The following MTMR7 variants were observed in gnomAD, a reference collection of about 807,000 sequenced individuals.
The protein encoded by MTMR7 is myotubularin related protein 7, also known as phosphatidylinositol-3-phosphate phosphatase MTMR7.
In MTMR7, 76 loss-of-function variants were observed where a neutral mutation model predicts 81.2. That is an observed-to-expected ratio of 0.94 (90% CI 0.78 to 1.13). The LOEUF is 1.13. Ranked by LOEUF, MTMR7 falls within the 50% of genes most tolerant of loss-of-function variation. The probability of loss-of-function intolerance (pLI) is 0.00; values close to 1 mark genes in which losing one functional copy is unlikely to be tolerated. For synonymous variants in MTMR7, 372 were observed against 289.8 expected, an observed-to-expected ratio of 1.28 and a Z score of -2.88; for missense variants, 1,044 against 820.0, an observed-to-expected ratio of 1.27 and a Z score of -3.34.
chr8:17,347,363 G>A (rs1286225003), intron 5 of MTMR7, among the ~76,000 whole-genome samples: 1 of 152,136 alleles, frequency 6.6e-6, no homozygotes, highest in East Asian at 1.9e-4. Context: ...CCAATTCACA[G>A]AACTTTCACC....
Position 17,299,427 on chromosome 8 carries a change from A to T in MTMR7, c.*435T>A. On this transcript the variant is annotated 3_prime_UTR_variant, in exon 14 of 14. Transcript: ENST00000180173. ...AGAAATATGTATAAGAGGGTCGGAAAGGAGGATAATGTCAGATGCTTTAGA... is the reference window on the plus strand; with the variant it reads ...AGAAATATGTATAAGAGGGTCGGAATGGAGGATAATGTCAGATGCTTTAGA... The T allele has an allele frequency of 6.2e-6, 1 of 160,774 alleles. No homozygotes were observed. The highest frequency in any genetic ancestry group is 1.4e-5 in the Non-Finnish European group (1 of 72,678). The allele number at this position is 160,774 out of a possible 1,614,324, so 10.0% of individuals were successfully genotyped here.
At chr8:17,326,297 T>C (rs1818674047) in intron 7 of MTMR7, 1 of 152,162 alleles carries the variant, frequency 6.6e-6, no homozygotes, top group Non-Finnish European at 1.5e-5. Flanking sequence ...ATCCGTAAAA[T>C]GAAGATAAGA....
chr8:17,340,605 CA>C (rs1819379058), intron 6 of MTMR7, among the ~76,000 whole-genome samples: 1 of 152,106 alleles, frequency 6.6e-6, no homozygotes, highest in African/African-American at 2.4e-5. Flanking sequence ...TCCTTAAAAA[CA>C]AAAAAGTTAA....
chr8:17,321,299 G>C (rs1377202425), intron 7 of MTMR7, among the ~76,000 whole-genome samples: 1 of 152,224 alleles, frequency 6.6e-6, no homozygotes, highest in African/African-American at 2.4e-5. Flanking sequence ...CTGCCAGAGA[G>C]AATGTCCCCA....
At chr8:17,344,016 AT>A (rs1373267658) in intron 5 of MTMR7, among the ~76,000 whole-genome samples, 1 of 152,086 alleles carries the variant, frequency 6.6e-6, no homozygotes, top group Non-Finnish European at 1.5e-5. Context: ...AATATTCAAC[AT>A]TTTTGATGGC....
chr8:17,398,234 G>C (rs924722090), intron 1 of MTMR7, among the ~76,000 whole-genome samples: 2 of 152,156 alleles, frequency 1.3e-5, no homozygotes, highest in Non-Finnish European at 2.9e-5. Context: ...AGAAACAGAG[G>C]TATGTGACCC....
At position 17,309,288 on chromosome 8, in the gene MTMR7, C is replaced by T. The variant is rs751088997; in HGVS notation, c.1140G>A (p.Lys380=). ...TAAATATTACTTACCGGTGATTAAA[C>T]TTATGACCAAAGGAAATCCAGTCCT... ...IEKDWISFGH[K]FNHRYGNLDG... The change falls in exon 10 of 14, where the codon AAG becomes AAA. Residue 380 remains lysine, a synonymous_variant. Transcript: ENST00000180173. 6.4e-7 allele frequency: 1 copy of T among 1,551,276 alleles called. No homozygotes were observed. Among genetic ancestry groups the T allele is most frequent in the East Asian group, 2.2e-5 (1 of 44,614 alleles).
At position 17,397,641 on chromosome 8, in the gene MTMR7, G is replaced by A. The variant is rs145368790; in HGVS notation, c.24+15628C>T. Among the ~76,000 whole-genome samples the A allele has an allele frequency of 4.6e-3, 697 of 152,278 alleles. 2 individuals carry two copies. Among genetic ancestry groups the A allele is most frequent in the Non-Finnish European group, 8.0e-3 (546 of 68,018 alleles). On this transcript the variant is annotated intron_variant, in intron 1 of 13. Coordinates refer to ENST00000180173, the MANE Select transcript of MTMR7 (RefSeq NM_004686.5). ...TCTCTGGACCTGCCCAGGGCCTGGGGGAACTCGCCACCCTGAAGGGAAGGA... is the reference window on the plus strand; with the variant it reads ...TCTCTGGACCTGCCCAGGGCCTGGGAGAACTCGCCACCCTGAAGGGAAGGA...
intron 7 of MTMR7, among the ~76,000 whole-genome samples, chr8:17,319,962 A>G (rs1586177047): frequency 1.3e-5 from 2 of 152,224 alleles, no homozygotes; most frequent in African/African-American, 2.4e-5. Context: ...ATGTCTGATC[A>G]GGATTGAGAT....
At chr8:17,340,216 G>T (rs910199241) in intron 6 of MTMR7, among the ~76,000 whole-genome samples, 1 of 152,220 alleles carries the variant, frequency 6.6e-6, no homozygotes, top group Admixed American at 6.5e-5. Context: ...GCCTCCCAAA[G>T]TGCTGGGATT....
rs562121191 is a variant in MTMR7, at chr8:17,303,159, C to T, written c.1494-879G>A. ...CAAGGACTTGGTGTCATTGTTTTAT[C>T]TGCAGTGCCCAGAACAGTGTTTGAT... On this transcript the variant is annotated intron_variant, in intron 12 of 13. Coordinates refer to ENST00000180173, the MANE Select transcript of MTMR7 (RefSeq NM_004686.5). 1.7e-3 allele frequency among the ~76,000 whole-genome samples: 254 copies of T among 152,280 alleles called. 1 individual carries two copies. The highest frequency in any genetic ancestry group is 2.9e-3 in the Non-Finnish European group (194 of 68,020).
At chr8:17,350,984 T>C (rs1819712607) in intron 4 of MTMR7, among the ~76,000 whole-genome samples, 2 of 152,164 alleles carry the variant, frequency 1.3e-5, no homozygotes, top group Non-Finnish European at 2.9e-5. Flanking sequence ...CTGGGAAGAC[T>C]GCCATAAAAC....
In MTMR7 at chr8:17,373,215, C is replaced by T. The variant is rs748552340; in HGVS notation, c.50G>A (p.Arg17Gln). Reference sequence around the variant, plus strand: ...TAGAGCTGCTTTTTTAGGAGACACTCGATCTACCAAGCGGACATTTTCAAC... The same window carrying T: ...TAGAGCTGCTTTTTTAGGAGACACTTGATCTACCAAGCGGACATTTTCAAC... ...PKVENVRLVDRVSPKKAALGT... is the reference protein window; with the variant it reads ...PKVENVRLVDQVSPKKAALGT... The change falls in exon 2 of 14, where the codon CGA becomes CAA. Residue 17 changes from arginine (R) to glutamine (Q), a missense_variant. Coordinates refer to ENST00000180173, the MANE Select transcript of MTMR7 (RefSeq NM_004686.5). The T allele has an allele frequency of 2.3e-5, 37 of 1,612,716 alleles. No homozygotes were observed. Among genetic ancestry groups the T allele is most frequent in the East Asian group, 4.5e-5 (2 of 44,698 alleles).
chr8:17,337,367 A>G (rs1395783656), intron 6 of MTMR7, among the ~76,000 whole-genome samples: 1 of 151,518 alleles, frequency 6.6e-6, no homozygotes, highest in African/African-American at 2.4e-5. Flanking sequence ...CGTCCCAAAA[A>G]AAAAAAAAAA....
At chr8:17,310,803 C>G (rs891843824) in intron 9 of MTMR7, among the ~76,000 whole-genome samples, 1 of 152,138 alleles carries the variant, frequency 6.6e-6, no homozygotes, top group African/African-American at 2.4e-5. Flanking sequence ...TTGTGTAGCA[C>G]GGATTCATGA....
chr8:17,413,251 C>A lies in MTMR7; in HGVS notation c.24+18G>T, dbSNP rs1267870218. 1.9e-6 allele frequency: 3 copies of A among 1,548,580 alleles called. No individual in the cohort carries two copies. Among genetic ancestry groups the A allele is most frequent in the Non-Finnish European group, 2.6e-6 (3 of 1,145,160 alleles). ...CATCTCCTCCCGTCCCTCCTCCGCC[C>A]GCGCTGGTGTCACCAACCTTGGGCG... On this transcript the variant is annotated intron_variant, in intron 1 of 13. Coordinates refer to ENST00000180173, the MANE Select transcript of MTMR7 (RefSeq NM_004686.5).
At position 17,304,595 on chromosome 8, in the gene MTMR7, G is replaced by C. The variant is rs1464051569; in HGVS notation, c.1353-76C>G. 4.1e-6 allele frequency: 6 copies of C among 1,466,754 alleles called. No homozygotes were observed. In the African/African-American group the frequency reaches 5.6e-5, roughly 14 times the overall value. 90.9% of individuals were successfully genotyped at this position (1,466,754 alleles called of 1,614,324 possible). A position where few individuals can be genotyped will look rare whatever the true frequency, so the allele number is the denominator to read the frequency against. ...CAGTAGATATGTTATATTAATGCTG[G>C]AAAGGAACTAATAATTGTTACCTGA... On this transcript the variant is annotated intron_variant, in intron 11 of 13. Coordinates refer to ENST00000180173, the MANE Select transcript of MTMR7 (RefSeq NM_004686.5).
chr8:17,372,240 C>A (rs1473203759), intron 2 of MTMR7, among the ~76,000 whole-genome samples: 1 of 152,130 alleles, frequency 6.6e-6, no homozygotes, highest in Non-Finnish European at 1.5e-5. Context: ...GCACGAAATA[C>A]AGCAAAGGGA....
intron 1 of MTMR7, among the ~76,000 whole-genome samples, chr8:17,411,703 A>C (rs1161475031): frequency 6.6e-6 from 1 of 152,216 alleles, no homozygotes; most frequent in Non-Finnish European, 1.5e-5. Flanking sequence ...CTTAGAGGGT[A>C]TCCATAAACA....
Sources: allele counts gnomAD v4.1 joint callset (sites outside exome capture counted in the v4.1 genomes callset), GRCh38; gene constraint gnomAD v4.1.1; transcripts MANE v1.5; gene names NCBI Gene and HGNC (gene_info 2026-07-23, HGNC 2026-07-21).